The following GGA2 variants were observed in gnomAD, a reference collection of about 807,000 sequenced individuals.
GGA2 encodes the protein ADP-ribosylation factor-binding protein GGA2.
In GGA2, 48 loss-of-function variants were observed where a neutral mutation model predicts 79.5. The ratio of observed to expected loss-of-function variants is 0.60; its 90% confidence interval spans 0.48 to 0.77. The LOEUF (loss-of-function observed/expected upper bound fraction) is 0.77. Ranked by LOEUF, GGA2 falls within the 30% of genes least tolerant of loss-of-function variation. The pLI is 0.00. For missense variants in GGA2, 770 were observed against 774.0 expected, an observed-to-expected ratio of 0.99 and a Z score of 0.06; for synonymous variants, 317 against 302.0, an observed-to-expected ratio of 1.05 and a Z score of -0.51.
rs902471275 is a variant in GGA2 at position 23,494,520 on chromosome 16, C to A, written c.177-142G>T. On this transcript the variant is annotated intron_variant, in intron 2 of 16. Transcript: ENST00000309859. ...TGGAGCGTGCCTGACAAACAGGCCACGCGGGGGCCCTGGAGAGGGCCACCT... is the reference window on the plus strand; with the variant it reads ...TGGAGCGTGCCTGACAAACAGGCCAAGCGGGGGCCCTGGAGAGGGCCACCT... 1.2e-5 allele frequency: 8 copies of A among 670,412 alleles called. No homozygotes were observed. The Admixed American group carries it at 1.9e-4, about 16-fold the overall frequency. The allele number at this position is 670,412 out of a possible 1,614,324, so 41.5% of individuals were successfully genotyped here.
chr16:23,488,690 A>T lies in GGA2; in HGVS notation c.495T>A (p.Pro165=). 6.3e-7 allele frequency: 1 copy of T among 1,598,068 alleles called. No homozygotes were observed. The highest frequency in any genetic ancestry group is 8.6e-7 in the Non-Finnish European group (1 of 1,165,704). ...LKKQGIIKQD[P]KLPVDKILPP... Reference sequence around the variant, plus strand: ...GTAAGATTTTATCCACTGGTAGTTTAGGGTCTTGTTTTATAATTCCTAAAA... The same window carrying T: ...GTAAGATTTTATCCACTGGTAGTTTTGGGTCTTGTTTTATAATTCCTAAAA... The change falls in exon 6 of 17, where the codon CCT becomes CCA. Residue 165 remains proline (P), a synonymous_variant. Transcript: ENST00000309859.
rs1135045 is a variant in GGA2, at chr16:23,478,390, C to G, written c.1270G>C (p.Ala424Pro). Reference protein sequence around the residue: ...ADRNLLDLLSAQPAPCPLNYV... With the variant: ...ADRNLLDLLSPQPAPCPLNYV... ...CACAGAGGGCACGGAGCTGGCTGTGCTGAGAGGAGGTCCAGCAAATTCCTG... is the reference window on the plus strand; with the variant it reads ...CACAGAGGGCACGGAGCTGGCTGTGGTGAGAGGAGGTCCAGCAAATTCCTG... The change falls in exon 13 of 17, where the codon GCA (alanine) becomes CCA (proline). Residue 424 changes from alanine to proline, a missense_variant. Physicochemically the swap from Ala to Pro is conservative, Grantham distance 27. Transcript: ENST00000309859. 1,257,912 of 1,606,414 alleles carry G rather than the reference C, an allele frequency of 0.78. 495,725 individuals carry two copies. Among genetic ancestry groups the G allele is most frequent in the Non-Finnish European group, 0.81 (951,516 of 1,175,190 alleles).
intron 1 of GGA2, among the ~76,000 whole-genome samples, chr16:23,496,302 CA>C (rs754859869): frequency 0.013 from 476 of 35,840 alleles, 1 homozygote; most frequent in African/African-American, 0.023. Flanking sequence ...GACTCTGTCT[CA>C]AAAAAAAAAA....
At chr16:23,485,671 C>T (rs1325604972) in intron 8 of GGA2, among the ~76,000 whole-genome samples, 2 of 152,078 alleles carry the variant, frequency 1.3e-5, no homozygotes, top group East Asian at 1.9e-4. Context: ...GGACAGTACC[C>T]GGCAATAAGA....
chr16:23,505,196 T>C (rs1327332213), intron 1 of GGA2, among the ~76,000 whole-genome samples: 2 of 152,090 alleles, frequency 1.3e-5, no homozygotes, highest in Non-Finnish European at 2.9e-5. Flanking sequence ...AGACTCAGCA[T>C]GGGAATGTCC....
At chr16:23,500,968 T>C (rs1964915169) in intron 1 of GGA2, 1 of 311,652 alleles carries the variant, frequency 3.2e-6, no homozygotes. Flanking sequence ...TGTTACACCA[T>C]ATTGCTAGAT....
At chr16:23,493,497 CA>C (rs1964815751) in intron 3 of GGA2, 39 bp from the exon 4 acceptor site, 2 of 1,282,878 alleles carry the variant, frequency 1.6e-6, no homozygotes, top group Non-Finnish European at 2.3e-6. Flanking sequence ...GGTGGAAAGC[CA>C]GTGGTCCCAG....
At chr16:23,516,820 G>A (rs907522745) in intron 2 of GGA2, among the ~76,000 whole-genome samples, 1 of 152,154 alleles carries the variant, frequency 6.6e-6, no homozygotes, top group African/African-American at 2.4e-5. Flanking sequence ...TGAGTAGAGG[G>A]AGGGTACTTA....
intron 1 of GGA2, among the ~76,000 whole-genome samples, chr16:23,499,565 T>C (rs1380324721): frequency 1.3e-5 from 2 of 152,222 alleles, no homozygotes; most frequent in Non-Finnish European, 2.9e-5. Context: ...TCTTATTTGC[T>C]AGAGCTTGTA....
intron 1 of GGA2, among the ~76,000 whole-genome samples, chr16:23,505,612 A>G (rs746880169): frequency 1.3e-5 from 2 of 151,840 alleles, no homozygotes; most frequent in Admixed American, 6.6e-5. Context: ...TCTGGGAACA[A>G]CCCCTCTCCT....
chr16:23,483,724 G>A lies in GGA2; in HGVS notation c.799-720C>T, dbSNP rs189148526. ...TGCAATGGTGTGATCTCAGCTCACCGCAACCTCCGCCTCCTGGGTTCAAAT... is the reference window on the plus strand; with the variant it reads ...TGCAATGGTGTGATCTCAGCTCACCACAACCTCCGCCTCCTGGGTTCAAAT... On this transcript the variant is annotated intron_variant, in intron 8 of 16. Coordinates refer to ENST00000309859, the MANE Select transcript of GGA2 (RefSeq NM_015044.4). Among the ~76,000 whole-genome samples the A allele has an allele frequency of 5.3e-5, 8 of 151,972 alleles. 1 individual carries two copies. The highest frequency in any genetic ancestry group is 3.4e-3 in the Middle Eastern group (1 of 294).
chr16:23,485,880 A>T, intron 8 of GGA2, 135 bp downstream of exon 8: 1 of 792,984 alleles, frequency 1.3e-6, no homozygotes, highest in Non-Finnish European at 2.0e-6. Flanking sequence ...ACAAAGCAGC[A>T]CAACGACATT....
intron 1 of GGA2, among the ~76,000 whole-genome samples, chr16:23,520,314 G>A (rs1965130447): frequency 6.7e-6 from 1 of 148,892 alleles, no homozygotes; most frequent in African/African-American, 2.5e-5. Flanking sequence ...ACAACTCTTT[G>A]AGATGGGTAC....
chr16:23,488,517 C>CCTCCATACT, intron 6 of GGA2, 89 bp downstream of exon 6: 1 of 814,516 alleles, frequency 1.2e-6, no homozygotes, highest in East Asian at 2.4e-5. Flanking sequence ...AACCTGCCCC[C>CCTCCATACT]CTCCATACTC....
intron 1 of GGA2, among the ~76,000 whole-genome samples, chr16:23,500,069 C>T (rs1448268976): frequency 4.6e-5 from 7 of 152,200 alleles, no homozygotes; most frequent in African/African-American, 1.4e-4. Context: ...CTCTCTTCTC[C>T]GCAATCACAG....
chr16:23,482,873 G>A, intron 9 of GGA2, 50 bp downstream of exon 9: 1 of 1,044,622 alleles, frequency 9.6e-7, no homozygotes, highest in African/African-American at 1.6e-5. Flanking sequence ...GAGGGACCGA[G>A]TCTGTCTTGC....
At chr16:23,500,224 C>T (rs1964905597) in intron 1 of GGA2, among the ~76,000 whole-genome samples, 1 of 152,202 alleles carries the variant, frequency 6.6e-6, no homozygotes, top group Admixed American at 6.5e-5. Flanking sequence ...AAGGGCTGGC[C>T]CTGCCAGCGT....
chr16:23,474,043 T>C (rs554456910), intron 14 of GGA2, among the ~76,000 whole-genome samples: 12 of 152,212 alleles, frequency 7.9e-5, no homozygotes, highest in Non-Finnish European at 1.6e-4. Flanking sequence ...CTCTGCATAC[T>C]GGTGTAGAGA....
At chr16:23,515,511 C>T (rs1350669622) in intron 2 of GGA2, among the ~76,000 whole-genome samples, 3 of 142,158 alleles carry the variant, frequency 2.1e-5, no homozygotes, top group African/African-American at 5.3e-5. Flanking sequence ...ACCGGAGAAT[C>T]GTGTGAACCC....
Sources: allele counts gnomAD v4.1 joint callset (sites outside exome capture counted in the v4.1 genomes callset), GRCh38; gene constraint gnomAD v4.1.1; transcripts MANE v1.5; gene names NCBI Gene and HGNC (gene_info 2026-07-23, HGNC 2026-07-21).